DGKB: variants seen among roughly 807,000 people sequenced by gnomAD.
DGKB encodes the protein diacylglycerol kinase beta.
DGKB carries 67 observed loss-of-function variants against 114.3 expected under a neutral mutation model. That is an observed-to-expected ratio of 0.59 (90% CI 0.48 to 0.72). The LOEUF (loss-of-function observed/expected upper bound fraction) is 0.72. Among genes scored for constraint, DGKB ranks in the 30% least tolerant of loss-of-function variants. The probability of loss-of-function intolerance (pLI) is 0.00; values close to 1 mark genes in which losing one functional copy is unlikely to be tolerated. For synonymous variants in DGKB, 398 were observed against 323.1 expected, an observed-to-expected ratio of 1.23 and a Z score of -2.49; for missense variants, 907 against 975.2, an observed-to-expected ratio of 0.93 and a Z score of 0.93.
At chr7:14,289,952 G>C (rs141146002) in intron 23 of DGKB, among the ~76,000 whole-genome samples, 1 of 152,232 alleles carries the variant, frequency 6.6e-6, no homozygotes, top group African/African-American at 2.4e-5. Context: ...TGGTTAACCT[G>C]AACTACAAAC....
At chr7:14,152,487 C>G (rs1160012266) in intron 25 of DGKB, among the ~76,000 whole-genome samples, 2 of 151,974 alleles carry the variant, frequency 1.3e-5, no homozygotes, top group African/African-American at 2.4e-5. Context: ...TAAATTCTAT[C>G]AGATACAGAA....
intron 1 of DGKB, among the ~76,000 whole-genome samples, chr7:14,870,625 G>A (rs1421720449): frequency 2.0e-5 from 3 of 151,976 alleles, no homozygotes; most frequent in African/African-American, 7.3e-5. Flanking sequence ...GTGAAAGTCC[G>A]TCTCTACTAA....
chr7:14,646,421 T>C (rs1304072122), intron 13 of DGKB, among the ~76,000 whole-genome samples: 2 of 152,260 alleles, frequency 1.3e-5, no homozygotes, highest in East Asian at 3.9e-4. Flanking sequence ...ACATTGAGTA[T>C]TAGACAGATA....
chr7:14,172,145 A>C (rs555807724), intron 25 of DGKB, among the ~76,000 whole-genome samples: 5 of 152,300 alleles, frequency 3.3e-5, no homozygotes, highest in African/African-American at 1.2e-4. Flanking sequence ...GAAGAGGAAA[A>C]ATTTGTTTGG....
chr7:14,694,419 T>C (rs1823451116), intron 8 of DGKB, among the ~76,000 whole-genome samples: 1 of 152,208 alleles, frequency 6.6e-6, no homozygotes, highest in Admixed American at 6.5e-5. Flanking sequence ...GCTTAACTTT[T>C]CAATATTTTT....
intron 19 of DGKB, among the ~76,000 whole-genome samples, chr7:14,580,355 T>C (rs1283426036): frequency 6.6e-6 from 1 of 152,212 alleles, no homozygotes; most frequent in African/African-American, 2.4e-5. Flanking sequence ...CCACTAGAAA[T>C]CAAGGTACTT....
intron 23 of DGKB, among the ~76,000 whole-genome samples, chr7:14,233,868 G>A (rs1444428187): frequency 3.3e-5 from 5 of 151,950 alleles, no homozygotes; most frequent in Admixed American, 3.3e-4. Flanking sequence ...GTGAGAGAAA[G>A]CCGGAAATAA....
intron 1 of DGKB, among the ~76,000 whole-genome samples, chr7:14,872,248 G>A (rs1852580437): frequency 1.3e-5 from 2 of 152,094 alleles, no homozygotes; most frequent in Non-Finnish European, 2.9e-5. Context: ...CTAAATAAGA[G>A]CGGCAGAACA....
chr7:14,579,788 T>C (rs940389587), intron 19 of DGKB, among the ~76,000 whole-genome samples: 1 of 148,476 alleles, frequency 6.7e-6, no homozygotes, highest in African/African-American at 2.5e-5. Flanking sequence ...GGAGTTTGTT[T>C]AAAAAAAAAA....
At chr7:14,350,044 A>G (rs565494258) in intron 21 of DGKB, among the ~76,000 whole-genome samples, 4 of 152,242 alleles carry the variant, frequency 2.6e-5, no homozygotes, top group African/African-American at 9.6e-5. Context: ...CCCTATGCCA[A>G]TGAATGTAAT....
chr7:14,386,327 C>T (rs1356216478), intron 21 of DGKB, among the ~76,000 whole-genome samples: 2 of 152,180 alleles, frequency 1.3e-5, no homozygotes, highest in Non-Finnish European at 2.9e-5. Flanking sequence ...GAACTTCATA[C>T]TTTTCTTAGC....
At chr7:14,729,123 C>CTTTCTTTTTTTTTTTTTTT (rs1463141725) in intron 5 of DGKB, among the ~76,000 whole-genome samples, 15 of 113,422 alleles carry the variant, frequency 1.3e-4, no homozygotes, top group Admixed American at 2.9e-4. Context: ...CATTTTCTTT[C>CTTTCTTTTTTTTTTTTTTT]TTTTTTTTTT....
chr7:14,380,310 A>T (rs1348723798), intron 21 of DGKB, among the ~76,000 whole-genome samples: 1 of 152,004 alleles, frequency 6.6e-6, no homozygotes, highest in Non-Finnish European at 1.5e-5. Flanking sequence ...TTGAAAAAGG[A>T]ATAAAATCAT....
At chr7:14,729,935 G>A (rs1257467915) in intron 5 of DGKB, among the ~76,000 whole-genome samples, 1 of 152,104 alleles carries the variant, frequency 6.6e-6, no homozygotes, top group Non-Finnish European at 1.5e-5. Context: ...CCTATCAATT[G>A]AGTGCCTATT....
intron 13 of DGKB, among the ~76,000 whole-genome samples, chr7:14,669,367 A>T (rs911872482): frequency 1.4e-4 from 22 of 152,020 alleles, no homozygotes; most frequent in African/African-American, 5.3e-4. Flanking sequence ...CCTCCTATAC[A>T]CTCAGGGCTA....
At chr7:14,205,015 C>T (rs1407687422) in intron 23 of DGKB, among the ~76,000 whole-genome samples, 2 of 152,018 alleles carry the variant, frequency 1.3e-5, no homozygotes, top group East Asian at 3.9e-4. Flanking sequence ...ATTCTTCCTT[C>T]ATGTTCCCAT....
At chr7:14,590,009 G>T (rs1438725680) in intron 17 of DGKB, among the ~76,000 whole-genome samples, 1 of 144,142 alleles carries the variant, frequency 6.9e-6, no homozygotes, top group Non-Finnish European at 1.5e-5. Context: ...AAACCTAAAT[G>T]TCGGGTCGGG....
chr7:14,489,762 C>G (rs1489734205), intron 20 of DGKB, among the ~76,000 whole-genome samples: 1 of 152,108 alleles, frequency 6.6e-6, no homozygotes, highest in South Asian at 2.1e-4. Flanking sequence ...GGGATACAGG[C>G]AGCAGTGGAG....
chr7:14,768,481 T>C (rs1012576759), intron 2 of DGKB, among the ~76,000 whole-genome samples: 7 of 151,944 alleles, frequency 4.6e-5, no homozygotes, highest in Non-Finnish European at 8.8e-5. Context: ...TACTAGAACT[T>C]GCAGCCCCAC....
Sources: gnomAD v4.1 joint callset for allele counts (sites outside exome capture counted in the v4.1 genomes callset) on GRCh38, gnomAD v4.1.1 for gene constraint, MANE v1.5 for transcripts, NCBI Gene and HGNC (gene_info 2026-07-23, HGNC 2026-07-21) for gene names.